PCDHGA8: variants seen among roughly 807,000 people sequenced by gnomAD.
PCDHGA8 encodes protocadherin gamma subfamily A, 8, also known as protocadherin gamma-A8.
A neutral mutation model predicts 59.2 loss-of-function variants in PCDHGA8; 45 were observed. That is an observed-to-expected ratio of 0.76 (90% confidence interval 0.60 to 0.98). The LOEUF (loss-of-function observed/expected upper bound fraction) is 0.98. Among genes scored for constraint, PCDHGA8 ranks in the 50% least tolerant of loss-of-function variants. PCDHGA8 has a pLI of 0.00. For synonymous variants in PCDHGA8, 531 were observed against 519.0 expected (o/e 1.02, Z -0.32); for missense variants, 1,257 against 1,196.2 (o/e 1.05, Z -0.75).
chr5:141,440,960 A>C (rs1467379261), intron 1 of PCDHGA8: 2 of 152,248 alleles, frequency 1.3e-5, no homozygotes, highest in Non-Finnish European at 2.9e-5. Flanking sequence ...CAAGGCAGAG[A>C]TCACATATGG....
At chr5:141,451,352 A>G (rs2098714151) in intron 1 of PCDHGA8, among the ~76,000 whole-genome samples, 1 of 152,232 alleles carries the variant, frequency 6.6e-6, no homozygotes, top group Non-Finnish European at 1.5e-5. Flanking sequence ...AAGGGTCAAC[A>G]GAGGATGGAT....
intron 1 of PCDHGA8, chr5:141,419,836 G>A (rs756561978): frequency 1.9e-6 from 3 of 1,613,958 alleles, no homozygotes. Context: ...CCACTGCCAC[G>A]CTGCACCTGG....
chr5:141,495,300 C>T (rs1249195819), intron 2 of PCDHGA8, among the ~76,000 whole-genome samples: 1 of 152,204 alleles, frequency 6.6e-6, no homozygotes, highest in Non-Finnish European at 1.5e-5. Context: ...AGCGCCTCCT[C>T]CAGAGCCTCC....
At chr5:141,428,034 T>A (rs768728101) in intron 1 of PCDHGA8, 8 of 1,607,778 alleles carry the variant, frequency 5.0e-6, no homozygotes, top group Middle Eastern at 1.7e-4. Context: ...AGAGTCCGGC[T>A]ACCTGGTGAC....
Position 141,485,138 on chromosome 5 carries a change from T to A in PCDHGA8, c.2425-9669T>A, listed in dbSNP as rs374309554. On this transcript the variant is annotated intron_variant, in intron 1 of 3. Coordinates refer to ENST00000398604, the MANE Select transcript of PCDHGA8 (RefSeq NM_032088.2). This position sits in a 1 kb window ranked among gnomAD's most constrained non-coding sequence, Gnocchi z 5.7. ...TTGGGGCGGGTCGGCTTCATCCGCG[T>A]CTCAGGAGCAAGTAGAGAATTAGCG... is the stretch of plus-strand genomic sequence containing the variant. 17 of 1,528,690 alleles carry A rather than the reference T, an allele frequency of 1.1e-5. No individual in the cohort carries two copies. The highest frequency in any genetic ancestry group is 1.3e-5 in the Non-Finnish European group (14 of 1,109,458). 94.7% of individuals were successfully genotyped at this position (1,528,690 alleles called of 1,614,324 possible).
rs2099686717 is a variant in PCDHGA8, at chr5:141,489,403, A to C, written c.2425-5404A>C. The C allele has an allele frequency of 6.2e-7, 1 of 1,614,172 alleles. No homozygotes were observed. Among genetic ancestry groups the C allele is most frequent in the East Asian group, 2.2e-5 (1 of 44,884 alleles). On this transcript the variant is annotated intron_variant, in intron 1 of 3. Coordinates refer to ENST00000398604, the MANE Select transcript of PCDHGA8 (RefSeq NM_032088.2). The surrounding 1 kb of genome is among the most constrained non-coding windows in gnomAD (Gnocchi z 4.5). ...GAATGTTGCTCAGGATCTGGGCTTA[A>C]AGATGACAGATCTGTTGAGCCGGCG...
intron 1 of PCDHGA8, among the ~76,000 whole-genome samples, chr5:141,457,687 G>A (rs2098927754): frequency 6.6e-6 from 1 of 152,198 alleles, no homozygotes; most frequent in Admixed American, 6.5e-5. Context: ...TAGGACTTTT[G>A]GATTGGCTTT....
At chr5:141,460,411 T>TG (rs2098988114) in intron 1 of PCDHGA8, among the ~76,000 whole-genome samples, 1 of 152,212 alleles carries the variant, frequency 6.6e-6, no homozygotes, top group Non-Finnish European at 1.5e-5. Context: ...TTTGAGTTGA[T>TG]GTTTATGTAT....
chr5:141,395,654 A>G (rs1462491005), intron 1 of PCDHGA8: 1 of 164,436 alleles, frequency 6.1e-6, no homozygotes, highest in Admixed American at 6.1e-5. Context: ...AGCTTAGCAA[A>G]AGTAAAATAT....
intron 1 of PCDHGA8, chr5:141,409,291 A>G: frequency 6.2e-7 from 1 of 1,614,000 alleles, no homozygotes; most frequent in Non-Finnish European, 8.5e-7. Context: ...CACCTCCAGG[A>G]ATGGTTGTTG....
intron 1 of PCDHGA8, among the ~76,000 whole-genome samples, chr5:141,468,079 C>A (rs2099157359): frequency 6.6e-6 from 1 of 151,986 alleles, no homozygotes; most frequent in African/African-American, 2.4e-5. Context: ...AATCCCAGCA[C>A]TTTGGGAGGT....
chr5:141,430,705 T>C (rs914464861), intron 1 of PCDHGA8: 3 of 1,477,958 alleles, frequency 2.0e-6, no homozygotes, highest in African/African-American at 2.8e-5. Flanking sequence ...AAGGAACTGC[T>C]CCTGACTTCA....
intron 1 of PCDHGA8, among the ~76,000 whole-genome samples, chr5:141,407,487 C>T (rs928735518): frequency 7.0e-6 from 1 of 142,894 alleles, no homozygotes; most frequent in African/African-American, 2.6e-5. Context: ...TATGGAAAAT[C>T]TTTATTTCTG....
intron 1 of PCDHGA8, among the ~76,000 whole-genome samples, chr5:141,434,824 A>ACTTG (rs1561875192): frequency 1.3e-5 from 2 of 151,888 alleles, no homozygotes; most frequent in African/African-American, 4.8e-5. Flanking sequence ...CCCTTAGTAC[A>ACTTG]CTTGGCATTT....
chr5:141,486,189 A>T lies in PCDHGA8; in HGVS notation c.2425-8618A>T, dbSNP rs761466492. 6.2e-7 allele frequency: 1 copy of T among 1,614,062 alleles called. No individual in the cohort carries two copies. Among genetic ancestry groups the T allele is most frequent in the Non-Finnish European group, 8.5e-7 (1 of 1,179,994 alleles). ...GAGCAACATTGCAGCCTTCGAGTGG[A>T]TCTGCTGGACGTAAATGACAATGCC... is the stretch of plus-strand genomic sequence containing the variant. On this transcript the variant is annotated intron_variant, in intron 1 of 3. Coordinates refer to ENST00000398604, the MANE Select transcript of PCDHGA8 (RefSeq NM_032088.2). The surrounding 1 kb of genome is among the most constrained non-coding windows in gnomAD (Gnocchi z 5.0).
intron 1 of PCDHGA8, chr5:141,400,663 A>T: frequency 4.0e-6 from 4 of 995,312 alleles, no homozygotes; most frequent in Non-Finnish European, 6.0e-6. Flanking sequence ...ACCATTCTTT[A>T]AGAGGAGCAG....
chr5:141,485,151 T>G lies in PCDHGA8; in HGVS notation c.2425-9656T>G. The G allele has an allele frequency of 2.5e-6, 4 of 1,584,876 alleles. No individual in the cohort carries two copies. Among genetic ancestry groups the G allele is most frequent in the Non-Finnish European group, 3.5e-6 (4 of 1,156,528 alleles). ...GCTTCATCCGCGTCTCAGGAGCAAG[T>G]AGAGAATTAGCGGGCGGCAGCAATG... On this transcript the variant is annotated intron_variant, in intron 1 of 3. Coordinates refer to ENST00000398604, the MANE Select transcript of PCDHGA8 (RefSeq NM_032088.2). The surrounding 1 kb of genome is among the most constrained non-coding windows in gnomAD (Gnocchi z 5.7).
intron 2 of PCDHGA8, among the ~76,000 whole-genome samples, chr5:141,503,292 A>T (rs7710319): frequency 0.52 from 78,681 of 151,966 alleles, 21,044 homozygotes; most frequent in African/African-American, 0.62. Flanking sequence ...TGGTACATAG[A>T]AATTGCTCAA....
At chr5:141,409,212 T>C (rs751644523) in intron 1 of PCDHGA8, 1 of 1,613,924 alleles carries the variant, frequency 6.2e-7, no homozygotes, top group Non-Finnish European at 8.5e-7. Context: ...ATCATAGAAA[T>C]CCTTGATGAA....
Sources: gnomAD v4.1 joint callset for allele counts (sites outside exome capture counted in the v4.1 genomes callset) on GRCh38, gnomAD v4.1.1 for gene constraint, Gnocchi (gnomAD v3.1) non-coding constraint, MANE v1.5 for transcripts, NCBI Gene and HGNC (gene_info 2026-07-23, HGNC 2026-07-21) for gene names.